The following RPRD2 variants were observed in gnomAD, a reference collection of about 807,000 sequenced individuals.
The protein encoded by RPRD2 is regulation of nuclear pre-mRNA domain containing 2.
Under a neutral mutation model 104.4 loss-of-function variants are expected in RPRD2, and 12 were observed. The observed-to-expected ratio is 0.11, with a 90% CI of 0.07 to 0.19. RPRD2 has a LOEUF of 0.19. Ranked by LOEUF, RPRD2 falls within the 10% of genes least tolerant of loss-of-function variation. RPRD2 has a pLI of 1.00. For missense variants in RPRD2, 1,543 were observed against 1,790.1 expected, an observed-to-expected ratio of 0.86 and a Z score of 2.49; for synonymous variants, 714 against 684.9, an observed-to-expected ratio of 1.04 and a Z score of -0.66.
intron 1 of RPRD2, among the ~76,000 whole-genome samples, chr1:150,390,543 T>C (rs991289468): frequency 2.2e-5 from 3 of 134,810 alleles, no homozygotes; most frequent in African/African-American, 7.6e-5. Context: ...GTATAAAATA[T>C]TTAAATTAAT....
intron 1 of RPRD2, among the ~76,000 whole-genome samples, chr1:150,390,342 A>T (rs1421224882): frequency 5.9e-5 from 9 of 152,190 alleles, no homozygotes; most frequent in African/African-American, 2.4e-5. Context: ...TAAAAATATT[A>T]AAAAATTAGC....
chr1:150,453,350 A>C (rs1572508053), intron 7 of RPRD2, among the ~76,000 whole-genome samples: 2 of 152,166 alleles, frequency 1.3e-5, no homozygotes, highest in East Asian at 3.9e-4. Context: ...TTACTTAATC[A>C]GTTGTGGCCA....
At position 150,473,309 on chromosome 1, in the gene RPRD2, G is replaced by T. The variant is rs1367483926; in HGVS notation, c.4361G>T (p.Arg1454Leu). The T allele has an allele frequency of 1.2e-6, 2 of 1,612,188 alleles. No individual in the cohort carries two copies. The highest frequency in any genetic ancestry group is 1.3e-5 in the African/African-American group (1 of 74,936). The stretch of plus-strand genomic sequence containing the variant: ...GGCCCTCCGTTCTTTGCACCAAAAC[G>T]CCCATTCTTCCCTCCCAGGTACTGA... ...ARGPPFFAPK[R>L]PFFPPRY The change falls in exon 11 of 11, where the codon CGC becomes CTC. Residue 1454 changes from arginine (R) to leucine (L), a missense_variant. By Grantham distance (102) the Arg-to-Leu change is moderately radical (BLOSUM62 -2). Around this residue, in one of 4 missense-constraint regions of RPRD2, gnomAD observed 880 missense variants for 885.6 expected, o/e 0.99. Transcript: ENST00000369068.
intron 2 of RPRD2, among the ~76,000 whole-genome samples, chr1:150,437,978 A>T (rs1026472329): frequency 1.1e-4 from 5 of 44,654 alleles, no homozygotes; most frequent in Non-Finnish European, 1.3e-4. Flanking sequence ...GTCATTATTT[A>T]AAAAAAAAAA....
In RPRD2 at chr1:150,472,263, C is replaced by G. The variant is rs372454984; in HGVS notation, c.3315C>G (p.Thr1105=). The G allele has an allele frequency of 3.7e-6, 6 of 1,613,728 alleles. No homozygotes were observed. The African/African-American group carries it at 6.7e-5, about 18-fold the overall frequency. The change falls in exon 11 of 11, where the codon ACC becomes ACG. Residue 1105 remains threonine, a synonymous_variant. Transcript: ENST00000369068. ...GGATGTCAGGGGAGCCGATCCAGAC[C>G]GTAGAGTCCATCCGAGTTCCTGGGA... ...NRRMSGEPIQ[T]VESIRVPGKG... is the part of the protein sequence containing the mutation.
At chr1:150,432,895 T>C (rs587728241) in intron 2 of RPRD2, among the ~76,000 whole-genome samples, 1 of 152,034 alleles carries the variant, frequency 6.6e-6, no homozygotes, top group Non-Finnish European at 1.5e-5. Flanking sequence ...GAGGATCACC[T>C]AAGCCTGGGA....
intron 1 of RPRD2, among the ~76,000 whole-genome samples, chr1:150,376,098 T>C (rs1660663370): frequency 6.6e-6 from 1 of 152,224 alleles, no homozygotes; most frequent in Admixed American, 6.5e-5. Context: ...AAGATAAAGA[T>C]AGTTTTTAAA....
Position 150,471,376 on chromosome 1 carries a change from C to G in RPRD2, c.2428C>G (p.Pro810Ala), listed in dbSNP as rs758044246. Residue 810 changes from proline to alanine, a missense_variant, in exon 11 of 11, where the codon CCA (proline) becomes GCA (alanine). Coordinates refer to ENST00000369068, the MANE Select transcript of RPRD2 (RefSeq NM_015203.5). The surrounding 1 kb of genome is among the most constrained non-coding windows in gnomAD (Gnocchi z 5.3). ...YKQPSDGMERPSSLMDSSQEK... is the reference protein window; with the variant it reads ...YKQPSDGMERASSLMDSSQEK... ...GCAGCCTTCTGATGGAATGGAGAGACCATCTTCCCTGATGGACTCTTCACA... is the reference window on the plus strand; with the variant it reads ...GCAGCCTTCTGATGGAATGGAGAGAGCATCTTCCCTGATGGACTCTTCACA... 2 of 1,613,746 alleles carry G rather than the reference C, an allele frequency of 1.2e-6. No homozygotes were observed. Among genetic ancestry groups the G allele is most frequent in the East Asian group, 4.5e-5 (2 of 44,862 alleles).
At chr1:150,379,118 TA>T (rs138017373) in intron 1 of RPRD2, among the ~76,000 whole-genome samples, 2 of 146,746 alleles carry the variant, frequency 1.4e-5, no homozygotes, top group African/African-American at 2.5e-5. Flanking sequence ...CTGTGTCTAC[TA>T]AAAAAAAACA....
chr1:150,470,622 A>T lies in RPRD2; in HGVS notation c.1674A>T (p.Ser558=), dbSNP rs751312962. 1 of 1,613,920 alleles carries T rather than the reference A, an allele frequency of 6.2e-7. No homozygotes were observed. The highest frequency in any genetic ancestry group is 2.2e-5 in the East Asian group (1 of 44,880). ...GNPVPASEAA[S]QSTSASPANT... is the part of the protein sequence containing the mutation. ...CAGTTCCAGCCAGTGAAGCTGCCTC[A>T]CAGAGCACTTCAGCCTCCCCTGCCA... The change falls in exon 11 of 11, where the codon TCA becomes TCT. Residue 558 remains serine, a synonymous_variant. Transcript: ENST00000369068.
rs149396256 is a variant in RPRD2, at chr1:150,404,777, A to G, written c.206-12819A>G. ...GTGCCACTGTGCCCGGCCTCGTCACATATTTTTTAAAAATCTGTATAACTT... is the reference window on the plus strand; with the variant it reads ...GTGCCACTGTGCCCGGCCTCGTCACGTATTTTTTAAAAATCTGTATAACTT... On this transcript the variant is annotated intron_variant, in intron 1 of 10. Coordinates refer to ENST00000369068, the MANE Select transcript of RPRD2 (RefSeq NM_015203.5). Among the ~76,000 whole-genome samples the G allele has an allele frequency of 5.2e-4, 79 of 152,222 alleles. No individual in the cohort carries two copies. The Middle Eastern group carries it at 0.01, about 20-fold the overall frequency.
At chr1:150,400,509 C>G (rs1387982900) in intron 1 of RPRD2, among the ~76,000 whole-genome samples, 1 of 152,100 alleles carries the variant, frequency 6.6e-6, no homozygotes, top group African/African-American at 2.4e-5. Flanking sequence ...AGCCTACATC[C>G]CTGGCATGCG....
chr1:150,431,495 T>TTTTTTTTTTTTTTTTTTTG (rs1665582739), intron 2 of RPRD2, among the ~76,000 whole-genome samples: 1 of 145,166 alleles, frequency 6.9e-6, no homozygotes, highest in Non-Finnish European at 1.5e-5. Flanking sequence ...TTTTTTTTTT[T>TTTTTTTTTTTTTTTTTTTG]TTGAGACGGG....
chr1:150,382,975 CTG>C (rs1553881089), intron 1 of RPRD2, among the ~76,000 whole-genome samples: 1 of 151,910 alleles, frequency 6.6e-6, no homozygotes, highest in African/African-American at 2.4e-5. Context: ...GAGTGAGCCA[CTG>C]TGCCCGGCTG....
intron 7 of RPRD2, among the ~76,000 whole-genome samples, chr1:150,456,024 C>T (rs1667501494): frequency 6.6e-6 from 1 of 151,914 alleles, no homozygotes. Flanking sequence ...GAGACAGTAT[C>T]TCCCTATGTT....
At chr1:150,395,009 T>G (rs1449856607) in intron 1 of RPRD2, among the ~76,000 whole-genome samples, 2 of 152,212 alleles carry the variant, frequency 1.3e-5, no homozygotes, top group African/African-American at 2.4e-5. Context: ...AAATTAAATT[T>G]TTTTATTTCC....
chr1:150,364,163 T>C lies in RPRD2; in HGVS notation c.-552T>C, dbSNP rs1239185490. The stretch of plus-strand genomic sequence containing the variant: ...GTGCGCGATACTGTTGCTGCCCCTT[T>C]GCTGCTATTGCGTTGCAAAAAAAAT... On this transcript the variant is annotated 5_prime_UTR_variant, in exon 1 of 11. Coordinates refer to ENST00000369068, the MANE Select transcript of RPRD2 (RefSeq NM_015203.5). Among the ~76,000 whole-genome samples, 1 of 152,184 alleles carries C rather than the reference T, an allele frequency of 6.6e-6. No individual in the cohort carries two copies. The highest frequency in any genetic ancestry group is 1.5e-5 in the Non-Finnish European group (1 of 68,030).
chr1:150,394,576 T>C (rs1349495946), intron 1 of RPRD2, among the ~76,000 whole-genome samples: 4 of 152,052 alleles, frequency 2.6e-5, no homozygotes, highest in Non-Finnish European at 4.4e-5. Context: ...TTTCAACCTT[T>C]TTGTGGAGTT....
chr1:150,381,130 G>A (rs927864733), intron 1 of RPRD2, among the ~76,000 whole-genome samples: 1 of 152,074 alleles, frequency 6.6e-6, no homozygotes, highest in Non-Finnish European at 1.5e-5. Flanking sequence ...AACATAGAAA[G>A]TGCTGTAATT....
Sources: allele counts gnomAD v4.1 joint callset (sites outside exome capture counted in the v4.1 genomes callset), GRCh38; gene constraint gnomAD v4.1.1; regional missense constraint gnomAD v4.1.1; non-coding constraint Gnocchi (gnomAD v3.1); transcripts MANE v1.5; gene names NCBI Gene and HGNC (gene_info 2026-07-23, HGNC 2026-07-21).